LRP1B: variants seen among roughly 807,000 people sequenced by gnomAD.
The protein encoded by LRP1B is LDL receptor related protein 1B, also known as low-density lipoprotein receptor-related protein 1B.
LRP1B carries 217 observed loss-of-function variants against 556.6 expected under a neutral mutation model. That is an observed-to-expected ratio of 0.39 (90% CI 0.35 to 0.44). The LOEUF is 0.44. Ranked by LOEUF, LRP1B falls within the 20% of genes least tolerant of loss-of-function variation. The probability of loss-of-function intolerance (pLI) is 1.00; values close to 1 mark genes in which losing one functional copy is unlikely to be tolerated. For synonymous variants in LRP1B, 2,047 were observed against 1,865.8 expected (o/e 1.10, Z -2.50); for missense variants, 5,053 against 5,620.8 (o/e 0.90, Z 3.23).
intron 2 of LRP1B, among the ~76,000 whole-genome samples, chr2:141,753,212 C>A (rs1004362257): frequency 2.2e-5 from 3 of 137,098 alleles, no homozygotes; most frequent in Admixed American, 7.3e-5. Context: ...TGCACCATTG[C>A]ACTCCAGCCT....
intron 2 of LRP1B, among the ~76,000 whole-genome samples, chr2:141,577,381 C>T (rs1369396712): frequency 6.6e-6 from 1 of 152,196 alleles, no homozygotes; most frequent in Non-Finnish European, 1.5e-5. Flanking sequence ...ATTCACTACT[C>T]TTCTTCGTTT....
chr2:140,684,061 T>C (rs1046803251), intron 41 of LRP1B, among the ~76,000 whole-genome samples: 1 of 152,226 alleles, frequency 6.6e-6, no homozygotes, highest in Non-Finnish European at 1.5e-5. Flanking sequence ...ATTCTGAATA[T>C]ATATTTTAAT....
In LRP1B at chr2:141,520,360, CA is replaced by C. The variant is rs1684485392; in HGVS notation, c.206-39828del. 3.9e-5 allele frequency among the ~76,000 whole-genome samples: 6 copies of C among 152,116 alleles called. No homozygotes were observed. In the South Asian group the frequency reaches 1.2e-3, roughly 31 times the overall value. On this transcript the variant is annotated intron_variant, in intron 2 of 90. Coordinates refer to ENST00000389484, the MANE Select transcript of LRP1B (RefSeq NM_018557.3). Reference sequence around the variant, plus strand: ...TCGTAATTGCCATTTCCTTGTAAAACAAAAGGCCCTGACTAAAGCCACTTAA... The same window carrying C: ...TCGTAATTGCCATTTCCTTGTAAAACAAAGGCCCTGACTAAAGCCACTTAA...
At chr2:140,551,685 A>G (rs1680553828) in intron 43 of LRP1B, among the ~76,000 whole-genome samples, 2 of 152,202 alleles carry the variant, frequency 1.3e-5, no homozygotes, top group Admixed American at 1.3e-4. Flanking sequence ...AAAGAGTTTC[A>G]GAGAGACCAG....
At chr2:141,978,716 C>T (rs1417237244) in intron 1 of LRP1B, among the ~76,000 whole-genome samples, 1 of 151,910 alleles carries the variant, frequency 6.6e-6, no homozygotes, top group Non-Finnish European at 1.5e-5. Flanking sequence ...GGTTGTAAAA[C>T]TCTCCTGTCA....
In LRP1B at chr2:140,371,203, A is replaced by G. The variant is rs1243916125; in HGVS notation, c.10851T>C (p.Tyr3617=). The G allele has an allele frequency of 1.3e-6, 2 of 1,593,682 alleles. No individual in the cohort carries two copies. Among genetic ancestry groups the G allele is most frequent in the African/African-American group, 1.3e-5 (1 of 74,186 alleles). Reference sequence around the variant, plus strand: ...CCTCATCTGAACCATCAGCACAATCATATTCTCCATTACATTTCAAAGATG... The same window carrying G: ...CCTCATCTGAACCATCAGCACAATCGTATTCTCCATTACATTTCAAAGATG... ...ISASLKCNGE[Y]DCADGSDEMD... is the part of the protein sequence containing the mutation. Residue 3617 remains tyrosine (Y), a synonymous_variant, in exon 70 of 91, where the codon TAT becomes TAC. Transcript: ENST00000389484.
At chr2:140,591,929 T>C (rs1258997669) in intron 43 of LRP1B, among the ~76,000 whole-genome samples, 1 of 152,164 alleles carries the variant, frequency 6.6e-6, no homozygotes, top group Non-Finnish European at 1.5e-5. Context: ...GAAAATCCTA[T>C]CACCCAAGTC....
chr2:141,651,309 AC>A (rs1304283291), intron 2 of LRP1B, among the ~76,000 whole-genome samples: 6 of 152,214 alleles, frequency 3.9e-5, no homozygotes, highest in African/African-American at 1.4e-4. Flanking sequence ...AGACAAAATA[AC>A]AGAACACTTA....
intron 43 of LRP1B, 51 bp from the exon 44 acceptor site, chr2:140,542,022 T>C: frequency 8.0e-7 from 1 of 1,256,522 alleles, no homozygotes. Context: ...TAGACATTTA[T>C]ACGTCCACAC....
chr2:141,198,022 A>G (rs2105217912), intron 6 of LRP1B, among the ~76,000 whole-genome samples: 1 of 152,242 alleles, frequency 6.6e-6, no homozygotes, highest in Non-Finnish European at 1.5e-5. Context: ...GGAAAAGGTA[A>G]GATTATGAAG....
At chr2:141,800,288 C>A (rs1189683797) in intron 2 of LRP1B, among the ~76,000 whole-genome samples, 1 of 152,172 alleles carries the variant, frequency 6.6e-6, no homozygotes. Flanking sequence ...CCTTGGTAAT[C>A]CCTTGAACTC....
intron 84 of LRP1B, among the ~76,000 whole-genome samples, chr2:140,293,404 TTTA>T (rs1683475113): frequency 6.6e-6 from 1 of 152,212 alleles, no homozygotes; most frequent in Non-Finnish European, 1.5e-5. Context: ...AATACTTGAT[TTTA>T]CTTTTACCAT....
At chr2:141,492,328 C>T (rs1683366221) in intron 2 of LRP1B, among the ~76,000 whole-genome samples, 1 of 151,966 alleles carries the variant, frequency 6.6e-6, no homozygotes. Flanking sequence ...TCCCTTAAGA[C>T]AACATTAAAT....
chr2:141,893,947 CTCTT>C (rs1362738063), intron 1 of LRP1B, among the ~76,000 whole-genome samples: 4 of 151,886 alleles, frequency 2.6e-5, no homozygotes, highest in Admixed American at 6.6e-5. Flanking sequence ...TTCTTTCTCT[CTCTT>C]TCTCTCTCAC....
At chr2:141,658,900 T>A (rs1036523315) in intron 2 of LRP1B, among the ~76,000 whole-genome samples, 15 of 152,012 alleles carry the variant, frequency 9.9e-5, no homozygotes, top group African/African-American at 3.6e-4. Context: ...GAGATTAAGA[T>A]TTTTATTTTT....
intron 6 of LRP1B, among the ~76,000 whole-genome samples, chr2:141,201,949 T>C (rs1682041030): frequency 6.6e-6 from 1 of 152,204 alleles, no homozygotes; most frequent in South Asian, 2.1e-4. Context: ...TGACAAACAT[T>C]TTATATTTAT....
chr2:141,715,229 A>T (rs1013806544), intron 2 of LRP1B, among the ~76,000 whole-genome samples: 1 of 152,106 alleles, frequency 6.6e-6, no homozygotes, highest in Non-Finnish European at 1.5e-5. Context: ...GCCCTTTGGG[A>T]AGCCAAGGTG....
intron 1 of LRP1B, among the ~76,000 whole-genome samples, chr2:142,020,103 T>C (rs1450764106): frequency 3.3e-5 from 5 of 152,292 alleles, no homozygotes; most frequent in African/African-American, 9.6e-5. Flanking sequence ...CTCACTGAAG[T>C]ATCCCCATCA....
chr2:140,550,165 C>T (rs6430921), intron 43 of LRP1B, among the ~76,000 whole-genome samples: 65,007 of 151,936 alleles, frequency 0.43, 14,707 homozygotes, highest in East Asian at 0.58. Flanking sequence ...GCACTCAAGA[C>T]TTTTAAAAAC....
Sources: allele counts gnomAD v4.1 joint callset (sites outside exome capture counted in the v4.1 genomes callset), GRCh38; gene constraint gnomAD v4.1.1; transcripts MANE v1.5; gene names NCBI Gene and HGNC (gene_info 2026-07-23, HGNC 2026-07-21).